Variants in VDR observed in about 807,000 individuals in gnomAD.
VDR encodes the protein vitamin D receptor.
Under a neutral mutation model 39.7 loss-of-function variants are expected in VDR, and 19 were observed. The ratio of observed to expected loss-of-function variants is 0.48; its 90% CI spans 0.33 to 0.70. The LOEUF (loss-of-function observed/expected upper bound fraction) is 0.70, where lower values mean the gene tolerates loss of function less well. VDR is among the 30% of genes least tolerant of loss of function. The probability of loss-of-function intolerance (pLI) is 0.02; values close to 1 mark genes in which losing one functional copy is unlikely to be tolerated. For synonymous variants in VDR, 242 were observed against 215.8 expected, an observed-to-expected ratio of 1.12 and a Z score of -1.07; for missense variants, 442 against 570.5, an observed-to-expected ratio of 0.77 and a Z score of 2.29.
chr12:47,892,011 C>T (rs1361892112), intron 1 of VDR, among the ~76,000 whole-genome samples: 1 of 152,120 alleles, frequency 6.6e-6, no homozygotes, highest in East Asian at 1.9e-4. Context: ...GAAGCCCTGG[C>T]AGAAGAATGG....
At chr12:47,890,593 C>T (rs1946352310) in intron 1 of VDR, among the ~76,000 whole-genome samples, 1 of 152,004 alleles carries the variant, frequency 6.6e-6, no homozygotes, top group South Asian at 2.1e-4. Context: ...GGCTGTCTTG[C>T]TTCTCCTCAT....
At chr12:47,860,349 AC>A in intron 4 of VDR, among the ~76,000 whole-genome samples, 1 of 152,290 alleles carries the variant, frequency 6.6e-6, no homozygotes, top group South Asian at 2.1e-4. Flanking sequence ...ATAGTCTGAC[AC>A]CAAATATCAA....
intron 1 of VDR, among the ~76,000 whole-genome samples, chr12:47,901,924 G>T (rs1044148156): frequency 2.0e-5 from 3 of 152,196 alleles, no homozygotes; most frequent in African/African-American, 7.2e-5. Context: ...CCCAGGACAG[G>T]GTGGCCGGGA....
At chr12:47,860,295 T>A (rs993152491) in intron 4 of VDR, among the ~76,000 whole-genome samples, 3 of 152,108 alleles carry the variant, frequency 2.0e-5, no homozygotes, top group African/African-American at 7.2e-5. Context: ...ATTTCCCCCA[T>A]AAAGGCTAGA....
At chr12:47,865,811 C>T (rs937392057) in intron 3 of VDR, among the ~76,000 whole-genome samples, 1 of 149,838 alleles carries the variant, frequency 6.7e-6, no homozygotes, top group Non-Finnish European at 1.5e-5. Context: ...CTCCCGGGTT[C>T]ACACCATTCT....
chr12:47,882,707 G>C lies in VDR; in HGVS notation c.-16C>G. ...GGAAACACCTACCTGAAGGAGCAGG[G>C]GGCAGGTAAGTGGAGCCCAGGGGTG... On this transcript the variant is annotated 5_prime_UTR_variant, in exon 2 of 10. Coordinates refer to ENST00000549336, the MANE Select transcript of VDR (RefSeq NM_000376.3). The C allele has an allele frequency of 6.5e-7, 1 of 1,529,162 alleles. No homozygotes were observed. 94.7% of individuals were successfully genotyped at this position (1,529,162 alleles called of 1,614,324 possible).
At chr12:47,864,941 A>G in intron 4 of VDR, 106 bp downstream of exon 4, 1 of 1,574,718 alleles carries the variant, frequency 6.4e-7, no homozygotes, top group Non-Finnish European at 8.6e-7. Flanking sequence ...TGGCAGCTAC[A>G]GAGGAAGGGC....
chr12:47,889,999 C>T (rs1422258611), intron 1 of VDR, among the ~76,000 whole-genome samples: 1 of 151,762 alleles, frequency 6.6e-6, no homozygotes, highest in Non-Finnish European at 1.5e-5. Context: ...TTTAATTGCA[C>T]ATCACTCCTT....
chr12:47,846,262 C>T, intron 9 of VDR, 73 bp downstream of exon 9: 1 of 1,370,252 alleles, frequency 7.3e-7, no homozygotes, highest in Admixed American at 1.7e-5. Flanking sequence ...GCCCAGCTGG[C>T]CCTCAGCAGG....
chr12:47,886,010 G>A (rs903310242), intron 1 of VDR, among the ~76,000 whole-genome samples: 6 of 152,224 alleles, frequency 3.9e-5, no homozygotes, highest in African/African-American at 1.4e-4. Context: ...GACCCCAGGA[G>A]AGGGGTCCTC....
intron 4 of VDR, among the ~76,000 whole-genome samples, chr12:47,860,607 C>T (rs375285294): frequency 3.9e-5 from 6 of 152,314 alleles, no homozygotes; most frequent in East Asian, 1.9e-4. Context: ...AGGTATCATT[C>T]TGAATAATTA....
chr12:47,848,983 C>T (rs1296388576), intron 7 of VDR, among the ~76,000 whole-genome samples: 1 of 152,120 alleles, frequency 6.6e-6, no homozygotes, highest in Non-Finnish European at 1.5e-5. Flanking sequence ...AATAGAGATG[C>T]GTTGATGATT....
intron 2 of VDR, 125 bp from the exon 3 acceptor site, chr12:47,879,240 G>T (rs1946086938): frequency 8.6e-7 from 1 of 1,163,714 alleles, no homozygotes; most frequent in Non-Finnish European, 1.2e-6. Context: ...AGGGAGCTCA[G>T]CAAGGGTGGG....
intron 7 of VDR, among the ~76,000 whole-genome samples, chr12:47,848,622 A>G (rs1487880186): frequency 8.3e-6 from 1 of 121,018 alleles, no homozygotes; most frequent in Non-Finnish European, 1.6e-5. Flanking sequence ...GCTGGAGTGC[A>G]GTGGTGAGAT....
chr12:47,859,898 C>T lies in VDR; in HGVS notation c.278-2210G>A, dbSNP rs186191719. 7.3e-4 allele frequency among the ~76,000 whole-genome samples: 33 copies of T among 45,218 alleles called. 1 individual carries two copies. Among genetic ancestry groups the T allele is most frequent in the East Asian group, 3.9e-3 (7 of 1,804 alleles). 29.7% of individuals were successfully genotyped at this position (45,218 alleles called of 152,430 possible). The stretch of plus-strand genomic sequence containing the variant: ...CCTTCCTTCCTTCCTTCCTTCCTTC[C>T]TTCCTTCCTTCCTTCCTTCTTTCTT... On this transcript the variant is annotated intron_variant, in intron 4 of 9. Coordinates refer to ENST00000549336, the MANE Select transcript of VDR (RefSeq NM_000376.3).
intron 9 of VDR, among the ~76,000 whole-genome samples, chr12:47,845,539 A>G (rs1592094819): frequency 6.6e-6 from 1 of 152,158 alleles, no homozygotes; most frequent in East Asian, 1.9e-4. Context: ...ATTAATAATT[A>G]AATAACATTT....
At chr12:47,856,062 A>C (rs11574088) in intron 6 of VDR, among the ~76,000 whole-genome samples, 2 of 152,250 alleles carry the variant, frequency 1.3e-5, no homozygotes. Flanking sequence ...TGCTGTTCCT[A>C]TGGATCTCAA....
At chr12:47,888,147 A>G (rs1946294699) in intron 1 of VDR, among the ~76,000 whole-genome samples, 1 of 152,184 alleles carries the variant, frequency 6.6e-6, no homozygotes, top group African/African-American at 2.4e-5. Context: ...GGAAGAAGCA[A>G]AAGTGGAAAC....
chr12:47,865,436 G>A (rs568148820), intron 3 of VDR, among the ~76,000 whole-genome samples: 1 of 152,310 alleles, frequency 6.6e-6, no homozygotes, highest in Admixed American at 6.5e-5. Context: ...TGGGGGGACA[G>A]GGTGTTGCTT....
Sources: gnomAD v4.1 joint callset for allele counts (sites outside exome capture counted in the v4.1 genomes callset) on GRCh38, gnomAD v4.1.1 for gene constraint, MANE v1.5 for transcripts, NCBI Gene and HGNC (gene_info 2026-07-23, HGNC 2026-07-21) for gene names.